Variants in PCNX2 observed in about 807,000 individuals in gnomAD.
PCNX2 encodes the protein pecanex-like protein 2.
Under a neutral mutation model 223.8 loss-of-function variants are expected in PCNX2, and 168 were observed. That is an observed-to-expected ratio of 0.75 (90% confidence interval 0.66 to 0.85). The LOEUF is 0.85. PCNX2 is among the 40% of genes least tolerant of loss of function. The pLI is 0.00. For synonymous variants in PCNX2, 1,006 were observed against 1,052.6 expected, an observed-to-expected ratio of 0.96 and a Z score of 0.86; for missense variants, 2,507 against 2,675.5, an observed-to-expected ratio of 0.94 and a Z score of 1.39.
intron 8 of PCNX2, among the ~76,000 whole-genome samples, chr1:233,242,955 A>G (rs1658864658): frequency 6.6e-6 from 1 of 152,236 alleles, no homozygotes; most frequent in South Asian, 2.1e-4. Flanking sequence ...TTCAAGCTGT[A>G]GTTTCCTCAT....
chr1:233,285,869 TG>T (rs1661420981), intron 1 of PCNX2, among the ~76,000 whole-genome samples: 2 of 152,374 alleles, frequency 1.3e-5, no homozygotes, highest in Admixed American at 6.5e-5. Flanking sequence ...ATAGAAATAT[TG>T]GAATACCATG....
Position 233,258,546 on chromosome 1 carries a change from C to T in PCNX2, c.1316G>A (p.Gly439Glu), listed in dbSNP as rs756280486. ...PVITLDLPEGGGGGVPCPEGN... is the reference protein window; with the variant it reads ...PVITLDLPEGEGGGVPCPEGN... ...TTCGGGACAGGGAACACCTCCTCCC[C>T]CACCCTCAGGCAGGTCCAGGGTGAT... Residue 439 changes from glycine to glutamate, a missense_variant, in exon 5 of 34, where the codon GGG becomes GAG. This residue lies in a region of PCNX2 where 1,031 missense variants were observed against 1,021.7 expected (regional missense o/e 1.01). Transcript: ENST00000258229. 1.2e-6 allele frequency: 2 copies of T among 1,614,002 alleles called. No individual in the cohort carries two copies. The highest frequency in any genetic ancestry group is 1.7e-6 in the Non-Finnish European group (2 of 1,179,898).
rs952293197 is a variant in PCNX2, at chr1:232,990,859, G to A, written c.5792-4319C>T. Among the ~76,000 whole-genome samples, 1 of 152,164 alleles carries A rather than the reference G, an allele frequency of 6.6e-6. No homozygotes were observed. Among genetic ancestry groups the A allele is most frequent in the Non-Finnish European group, 1.5e-5 (1 of 68,034 alleles). On this transcript the variant is annotated intron_variant, in intron 32 of 33. Coordinates refer to ENST00000258229, the MANE Select transcript of PCNX2 (RefSeq NM_014801.4). The surrounding 1 kb of genome is among the most constrained non-coding windows in gnomAD (Gnocchi z 4.3). Reference sequence around the variant, plus strand: ...CTTCCCCAGGGTCGTCTCCCAGGGCGGACCTTGGGCCTACTTGCAGGCACG... The same window carrying A: ...CTTCCCCAGGGTCGTCTCCCAGGGCAGACCTTGGGCCTACTTGCAGGCACG...
Position 233,161,334 on chromosome 1 carries a change from G to A in PCNX2, c.3303C>T (p.Val1101=). ...ATGAGAGGACAGCAACCACTGCGCAGACGATGAGATCCCATTTTAAGACAT... is the reference window on the plus strand; with the variant it reads ...ATGAGAGGACAGCAACCACTGCGCAAACGATGAGATCCCATTTTAAGACAT... ...VTDVLKWDLI[V]CAVVAVLSFA... is the part of the protein sequence containing the mutation. The change falls in exon 18 of 34, where the codon GTC becomes GTT. Residue 1101 remains valine, a synonymous_variant. Transcript: ENST00000258229. The A allele has an allele frequency of 6.2e-7, 1 of 1,613,892 alleles. No individual in the cohort carries two copies. Among genetic ancestry groups the A allele is most frequent in the Non-Finnish European group, 8.5e-7 (1 of 1,179,850 alleles).
chr1:233,282,385 A>T (rs1661238299), intron 1 of PCNX2, among the ~76,000 whole-genome samples: 1 of 151,638 alleles, frequency 6.6e-6, no homozygotes, highest in Non-Finnish European at 1.5e-5. Context: ...GTTCCTTTAA[A>T]CTCCCCACAC....
intron 15 of PCNX2, among the ~76,000 whole-genome samples, chr1:233,184,289 C>G (rs116014219): frequency 6.6e-6 from 1 of 150,792 alleles, no homozygotes; most frequent in Non-Finnish European, 1.5e-5. Flanking sequence ...GCTCACTCAT[C>G]GTTGAAATGA....
At chr1:232,987,175 A>G (rs1174819135) in intron 32 of PCNX2, among the ~76,000 whole-genome samples, 1 of 152,152 alleles carries the variant, frequency 6.6e-6, no homozygotes, top group Non-Finnish European at 1.5e-5. Flanking sequence ...CCCTTTGCCC[A>G]CTGCCTCGCC....
intron 14 of PCNX2, among the ~76,000 whole-genome samples, chr1:233,199,777 AGCATGTGTGTG>A (rs1019254203): frequency 6.7e-6 from 1 of 149,744 alleles, no homozygotes; most frequent in African/African-American, 2.5e-5. Context: ...CCCAGACTTG[AGCATGTGTGTG>A]CTCAAATACA....
chr1:232,998,347 C>A lies in PCNX2; in HGVS notation c.5695G>T (p.Ala1899Ser). Residue 1899 changes from alanine (A) to serine (S), a missense_variant, in exon 32 of 34, where the codon GCC becomes TCC. Transcript: ENST00000258229. ...CTCTCCTGGCTGCCACCACTCGGGG[C>A]ATTGTTGCCACCTGTCGTCGGGGCC... ...GGAPTTGGNN[A>S]PSGGSQESSA... The A allele has an allele frequency of 6.2e-7, 1 of 1,613,272 alleles. No individual in the cohort carries two copies. Among genetic ancestry groups the A allele is most frequent in the Non-Finnish European group, 8.5e-7 (1 of 1,179,620 alleles).
intron 19 of PCNX2, among the ~76,000 whole-genome samples, chr1:233,145,866 C>T (rs1326571999): frequency 2.6e-5 from 4 of 152,162 alleles, no homozygotes; most frequent in Non-Finnish European, 4.4e-5. Context: ...GCTCTACTGA[C>T]GTCCCATGTA....
intron 27 of PCNX2, among the ~76,000 whole-genome samples, chr1:233,016,204 G>A (rs972692006): frequency 6.6e-6 from 1 of 152,098 alleles, no homozygotes; most frequent in Non-Finnish European, 1.5e-5. Flanking sequence ...GGCTAGTGTC[G>A]TGGTTTGGTT....
At chr1:233,114,983 A>C (rs186127109) in intron 21 of PCNX2, among the ~76,000 whole-genome samples, 73 of 152,114 alleles carry the variant, frequency 4.8e-4, no homozygotes, top group African/African-American at 1.8e-3. Flanking sequence ...AACAATGCAA[A>C]ACACACAGGC....
intron 21 of PCNX2, among the ~76,000 whole-genome samples, chr1:233,131,983 C>T (rs1270222394): frequency 6.6e-6 from 1 of 151,118 alleles, no homozygotes; most frequent in Non-Finnish European, 1.5e-5. Context: ...GTTGCCCAGG[C>T]TGGAGTGCAG....
chr1:233,290,360 TA>T (rs1661691445), intron 1 of PCNX2, among the ~76,000 whole-genome samples: 1 of 152,096 alleles, frequency 6.6e-6, no homozygotes, highest in South Asian at 2.1e-4. Context: ...TAAAGTAGAA[TA>T]AGGGATCGCT....
chr1:233,089,850 G>C (rs756335512), intron 23 of PCNX2: 8 of 1,304,270 alleles, frequency 6.1e-6, no homozygotes, highest in Non-Finnish European at 7.8e-6. Context: ...GTATTCGTTG[G>C]CTAATTTGAA....
Position 233,179,102 on chromosome 1 carries a change from T to A in PCNX2, c.3140A>T (p.His1047Leu). 1 of 1,613,792 alleles carries A rather than the reference T, an allele frequency of 6.2e-7. No individual in the cohort carries two copies. The change falls in exon 16 of 34, where the codon CAT becomes CTT. Residue 1047 changes from histidine (H) to leucine (L), a missense_variant. This residue lies in a region of PCNX2 where 1,372 missense variants were observed against 1,509.4 expected (regional missense o/e 0.91). Coordinates refer to ENST00000258229, the MANE Select transcript of PCNX2 (RefSeq NM_014801.4). ...FCGLLVALSY[H>L]LSRQSSDPSV... ...TGGGTCACTGCTCTGACGGCTCAGA[T>A]GGTAAGAAAGGGCGACCAAGAGGCC... is the stretch of plus-strand genomic sequence containing the variant.
the PCNX2 span, among the ~76,000 whole-genome samples, chr1:233,314,408 A>G: frequency 6.6e-6 from 1 of 152,120 alleles, no homozygotes; most frequent in Admixed American, 6.6e-5. Flanking sequence ...CAAAATGTGT[A>G]TTTTATTTCA....
At chr1:233,212,610 C>T (rs1020018766) in intron 12 of PCNX2, among the ~76,000 whole-genome samples, 2 of 152,140 alleles carry the variant, frequency 1.3e-5, no homozygotes, top group Non-Finnish European at 2.9e-5. Flanking sequence ...CAGGGCACTC[C>T]ACTCCGCTAT....
At chr1:233,314,533 A>G in the PCNX2 span, among the ~76,000 whole-genome samples, 1 of 152,322 alleles carries the variant, frequency 6.6e-6, no homozygotes, top group African/African-American at 2.4e-5. Context: ...TCAAGAGAAT[A>G]ATTAACAGCT....
Sources: allele counts gnomAD v4.1 joint callset (sites outside exome capture counted in the v4.1 genomes callset), GRCh38; gene constraint gnomAD v4.1.1; regional missense constraint gnomAD v4.1.1; non-coding constraint Gnocchi (gnomAD v3.1); transcripts MANE v1.5; gene names NCBI Gene and HGNC (gene_info 2026-07-23, HGNC 2026-07-21).